ALDH1L2: variants seen among roughly 807,000 people sequenced by gnomAD.
The protein encoded by ALDH1L2 is aldehyde dehydrogenase 1 family member L2, also known as mitochondrial 10-formyltetrahydrofolate dehydrogenase.
In ALDH1L2, 91 loss-of-function variants were observed where a neutral mutation model predicts 111.0. The observed-to-expected ratio is 0.82, with a 90% CI of 0.69 to 0.98. The LOEUF is 0.98. ALDH1L2 is among the 50% of genes least tolerant of loss of function. The pLI is 0.00. For synonymous variants in ALDH1L2, 374 were observed against 392.6 expected, an observed-to-expected ratio of 0.95 and a Z score of 0.56; for missense variants, 995 against 1,126.8, an observed-to-expected ratio of 0.88 and a Z score of 1.67.
Position 105,065,312 on chromosome 12 carries a change from T to G in ALDH1L2, c.741A>C (p.Arg247=). ...QSAEVLHNWI[R]GHDKVPGAWT... ...AAGCTCCAGGGACTTTATCATGACC[T>G]CGAATCCAGTTATGTAAAACTTCGG... The change falls in exon 6 of 23, where the codon CGA becomes CGC. Residue 247 remains arginine (R), a synonymous_variant. Transcript: ENST00000258494. 6.2e-7 allele frequency: 1 copy of G among 1,611,010 alleles called. No homozygotes were observed.
At chr12:105,035,582 T>C (rs956599717) in intron 18 of ALDH1L2, among the ~76,000 whole-genome samples, 33 of 152,188 alleles carry the variant, frequency 2.2e-4, no homozygotes, top group African/African-American at 7.9e-4. Context: ...CCTCCCAAAG[T>C]GCTGAGATTA....
chr12:105,044,862 A>G (rs1289896606), intron 15 of ALDH1L2, among the ~76,000 whole-genome samples: 3 of 152,120 alleles, frequency 2.0e-5, no homozygotes, highest in African/African-American at 4.8e-5. Flanking sequence ...TATCTATACA[A>G]TGGAAACTGC....
intron 10 of ALDH1L2, among the ~76,000 whole-genome samples, chr12:105,057,484 T>C (rs752426952): frequency 6.6e-6 from 1 of 152,206 alleles, no homozygotes; most frequent in Non-Finnish European, 1.5e-5. Context: ...TTATTCATAA[T>C]AGCCAAAAGG....
At chr12:105,029,968 A>G (rs1230763909) in intron 21 of ALDH1L2, 1 of 157,146 alleles carries the variant, frequency 6.4e-6, no homozygotes. Context: ...CTCTTTCTCT[A>G]GGGAAATAAG....
chr12:105,031,672 A>C (rs560388316), intron 20 of ALDH1L2, 97 bp downstream of exon 20: 2 of 1,493,580 alleles, frequency 1.3e-6, no homozygotes, highest in African/African-American at 2.8e-5. Flanking sequence ...GTAGAGATGA[A>C]GTTTCACCAT....
intron 21 of ALDH1L2, among the ~76,000 whole-genome samples, chr12:105,029,500 A>G (rs1874592484): frequency 6.6e-6 from 1 of 152,182 alleles, no homozygotes. Context: ...CCCATGTTAC[A>G]GTAGATTCCC....
At chr12:105,057,661 A>G (rs1876715787) in intron 10 of ALDH1L2, among the ~76,000 whole-genome samples, 1 of 152,194 alleles carries the variant, frequency 6.6e-6, no homozygotes, top group Non-Finnish European at 1.5e-5. Context: ...AAAAAGCCAC[A>G]TGTTGTATGA....
At chr12:105,076,357 G>A (rs1484814924) in intron 1 of ALDH1L2, among the ~76,000 whole-genome samples, 1 of 152,158 alleles carries the variant, frequency 6.6e-6, no homozygotes, top group South Asian at 2.1e-4. Flanking sequence ...ACATTTTAAT[G>A]AGACCCTAGT....
At chr12:105,028,089 A>G (rs959179217) in intron 21 of ALDH1L2, among the ~76,000 whole-genome samples, 18 of 152,134 alleles carry the variant, frequency 1.2e-4, no homozygotes, top group African/African-American at 4.1e-4. Context: ...CCACATGGCC[A>G]GCAAATACAA....
intron 15 of ALDH1L2, among the ~76,000 whole-genome samples, chr12:105,046,181 CTCTCTCTCTCTCTATATA>C (rs1351260186): frequency 2.3e-3 from 61 of 26,328 alleles, no homozygotes; most frequent in East Asian, 0.015. Flanking sequence ...CTCTCTCTCT[CTCTCTCTCTCTCTATATA>C]TATATATATA....
chr12:105,063,081 T>G, intron 6 of ALDH1L2, 59 bp from the exon 7 acceptor site: 420 of 1,526,874 alleles, frequency 2.8e-4, no homozygotes, highest in Non-Finnish European at 3.4e-4. Context: ...CATAGCGGTA[T>G]GTATAAGCAT....
At chr12:105,058,024 G>A (rs1431276104) in intron 10 of ALDH1L2, 49 bp downstream of exon 10, 1 of 1,561,568 alleles carries the variant, frequency 6.4e-7, no homozygotes, top group Non-Finnish European at 8.6e-7. Flanking sequence ...GTCTTTTATA[G>A]TGTATGGATC....
rs80049088 is a variant in ALDH1L2 at position 105,081,311 on chromosome 12, A to C, written c.48+3078T>G. Among the ~76,000 whole-genome samples, 508 of 152,334 alleles carry C rather than the reference A, an allele frequency of 3.3e-3. 4 individuals are homozygous for C. Among genetic ancestry groups the C allele is most frequent in the African/African-American group, 0.012 (483 of 41,570 alleles). On this transcript the variant is annotated intron_variant, in intron 1 of 22. Transcript: ENST00000258494. ...ATAACAGACAATTAAATACAGTTTA[A>C]AGCTGAATTTGGAGATCCTATGAAC...
intron 10 of ALDH1L2, 98 bp from the exon 11 acceptor site, chr12:105,053,029 AGTCAATG>A: frequency 7.2e-7 from 1 of 1,395,828 alleles, no homozygotes. Flanking sequence ...CAGAGGGAGA[AGTCAATG>A]ACATTCTAGT....
chr12:105,062,820 C>G (rs1877079024), intron 7 of ALDH1L2, 68 bp downstream of exon 7: 6 of 1,541,774 alleles, frequency 3.9e-6, no homozygotes, highest in Non-Finnish European at 4.4e-6. Context: ...AAAGCTATTC[C>G]CTTAATAGCT....
At position 105,039,722 on chromosome 12, in the gene ALDH1L2, AT is replaced by A; in HGVS notation, c.2035del (p.Ile679SerfsTer2). 6.2e-7 allele frequency: 1 copy of A among 1,613,756 alleles called. No individual in the cohort carries two copies. Among genetic ancestry groups the A allele is most frequent in the Non-Finnish European group, 8.5e-7 (1 of 1,179,672 alleles). On this transcript the variant is annotated frameshift_variant, in exon 17 of 23. Transcript: ENST00000258494. LOFTEE classifies it high-confidence loss of function. ...ATTTTAAAACCAATACCTCTTCATG[AT>A]CTGTTTGCCAATAGGAGTGGATCCA... ...FTGSTPIGKQ[I>X]MKSCAVSNLK...
At chr12:105,078,319 C>T (rs1239873341) in intron 1 of ALDH1L2, among the ~76,000 whole-genome samples, 1 of 152,098 alleles carries the variant, frequency 6.6e-6, no homozygotes, top group African/African-American at 2.4e-5. Flanking sequence ...ATTAGCTGGG[C>T]ATGGTGGCGC....
chr12:105,061,389 G>A (rs2136090537), intron 8 of ALDH1L2, among the ~76,000 whole-genome samples: 1 of 152,280 alleles, frequency 6.6e-6, no homozygotes, highest in South Asian at 2.1e-4. Flanking sequence ...GTTCCTGAAT[G>A]ACTTCACCCC....
intron 4 of ALDH1L2, among the ~76,000 whole-genome samples, chr12:105,066,958 G>A (rs1437375518): frequency 6.6e-6 from 1 of 152,140 alleles, no homozygotes; most frequent in African/African-American, 2.4e-5. Flanking sequence ...GCCGGGCGCA[G>A]TGGCTCACGC....
Sources: gnomAD v4.1 joint callset for allele counts (sites outside exome capture counted in the v4.1 genomes callset) on GRCh38, gnomAD v4.1.1 for gene constraint, MANE v1.5 for transcripts, NCBI Gene and HGNC (gene_info 2026-07-23, HGNC 2026-07-21) for gene names.